Variants in HSD3B1 observed in about 807,000 individuals in gnomAD.
HSD3B1 encodes 3 beta-hydroxysteroid dehydrogenase/Delta 5-->4-isomerase type 1.
HSD3B1 carries 11 observed loss-of-function variants against 10.4 expected under a neutral mutation model. The observed-to-expected ratio is 1.05, with a 90% CI of 0.66 to 1.75. The LOEUF is 1.75. HSD3B1 is among the 40% of genes most tolerant of loss of function. HSD3B1 has a pLI of 0.00. For synonymous variants in HSD3B1, 217 were observed against 185.4 expected (o/e 1.17, Z -1.39); for missense variants, 490 against 454.5 (o/e 1.08, Z -0.71).
At position 119,514,347 on chromosome 1, in the gene HSD3B1, A is replaced by G; in HGVS notation, c.824A>G (p.Glu275Gly). ...YDNLNYTLSK[E>G]FGLRLDSRWS... The stretch of plus-strand genomic sequence containing the variant: ...AACCTTAATTACACCCTGAGCAAAG[A>G]GTTCGGCCTCCGCCTTGATTCCAGA... Residue 275 changes from glutamate (E) to glycine (G), a missense_variant, in exon 4 of 4, where the codon GAG (glutamate) becomes GGG (glycine). Glu to Gly is a moderately conservative substitution (Grantham distance 98). Coordinates refer to ENST00000369413, the MANE Select transcript of HSD3B1 (RefSeq NM_000862.3). The G allele has an allele frequency of 1.9e-6, 3 of 1,614,120 alleles. No individual in the cohort carries two copies. The African/African-American group carries it at 4.0e-5, about 22-fold the overall frequency.
intron 2 of HSD3B1, among the ~76,000 whole-genome samples, chr1:119,508,547 G>A (rs1238311396): frequency 6.6e-6 from 1 of 152,102 alleles, no homozygotes; most frequent in Non-Finnish European, 1.5e-5. Context: ...ACATGCTAAG[G>A]CCATCTGATT....
At chr1:119,509,024 A>G (rs1236419920) in intron 2 of HSD3B1, among the ~76,000 whole-genome samples, 1 of 152,250 alleles carries the variant, frequency 6.6e-6, no homozygotes, top group Non-Finnish European at 1.5e-5. Context: ...TATAATAGAC[A>G]GGCAGGGATC....
chr1:119,512,879 A>G (rs1459626401), intron 3 of HSD3B1, among the ~76,000 whole-genome samples: 5 of 152,240 alleles, frequency 3.3e-5, no homozygotes, highest in African/African-American at 9.6e-5. Flanking sequence ...CAGAAACTCA[A>G]ATTGCACAGA....
chr1:119,511,786 T>G, intron 3 of HSD3B1, 119 bp downstream of exon 3: 2 of 926,654 alleles, frequency 2.2e-6, no homozygotes. Context: ...CAAGTGCCTT[T>G]GCTGATCACT....
rs1654037427 is a variant in HSD3B1 at position 119,514,265 on chromosome 1, A to G, written c.742A>G (p.Ser248Gly). The stretch of plus-strand genomic sequence containing the variant: ...CCTGCAGGACCCCAAGAAGGCCCCA[A>G]GCATCCGAGGACAGTTCTACTATAT... ...RALQDPKKAPSIRGQFYYISD... is the reference protein window; with the variant it reads ...RALQDPKKAPGIRGQFYYISD... Residue 248 changes from serine (S) to glycine (G), a missense_variant, in exon 4 of 4, where the codon AGC becomes GGC. Transcript: ENST00000369413. The G allele has an allele frequency of 1.9e-6, 3 of 1,614,124 alleles. No homozygotes were observed. The highest frequency in any genetic ancestry group is 2.5e-6 in the Non-Finnish European group (3 of 1,180,014).
At chr1:119,511,820 C>T (rs774564053) in intron 3 of HSD3B1, 153 bp downstream of exon 3, 12 of 693,018 alleles carry the variant, frequency 1.7e-5, no homozygotes, top group Non-Finnish European at 3.0e-5. Flanking sequence ...TTCAAGACTG[C>T]TAACTTTAGT....
intron 2 of HSD3B1, among the ~76,000 whole-genome samples, chr1:119,509,114 G>A (rs1042027689): frequency 1.3e-5 from 2 of 152,174 alleles, no homozygotes; most frequent in Admixed American, 1.3e-4. Flanking sequence ...CAACTCATTT[G>A]CTCCTCATAA....
chr1:119,514,833 G>C lies in HSD3B1; in HGVS notation c.*188G>C. 1 of 664,686 alleles carries C rather than the reference G, an allele frequency of 1.5e-6. No individual in the cohort carries two copies. Among genetic ancestry groups the C allele is most frequent in the South Asian group, 1.8e-5 (1 of 54,150 alleles). The allele number at this position is 664,686 out of a possible 1,614,324, so 41.2% of individuals were successfully genotyped here. The stretch of plus-strand genomic sequence containing the variant: ...GCGCAGTCATTGGCCCAACAAGAAG[G>C]TTTCTGTCCTAATCATATACCAGAG... On this transcript the variant is annotated 3_prime_UTR_variant, in exon 4 of 4. Coordinates refer to ENST00000369413, the MANE Select transcript of HSD3B1 (RefSeq NM_000862.3).
In HSD3B1 at chr1:119,513,871, T is replaced by C; in HGVS notation, c.348T>C (p.Ser116=). 1.9e-6 allele frequency: 3 copies of C among 1,613,670 alleles called. No individual in the cohort carries two copies. Among genetic ancestry groups the C allele is most frequent in the Non-Finnish European group, 1.7e-6 (2 of 1,179,852 alleles). ...TGTTAGAGGCCTGTGTCCAAGCTAGTGTGCCAGTCTTCATCTACACCAGTA... is the reference window on the plus strand; with the variant it reads ...TGTTAGAGGCCTGTGTCCAAGCTAGCGTGCCAGTCTTCATCTACACCAGTA... ...QLLLEACVQA[S]VPVFIYTSSI... is the part of the protein sequence containing the mutation. The change falls in exon 4 of 4, where the codon AGT becomes AGC. Residue 116 remains serine, a synonymous_variant. Coordinates refer to ENST00000369413, the MANE Select transcript of HSD3B1 (RefSeq NM_000862.3).
Position 119,511,504 on chromosome 1 carries a change from A to G in HSD3B1, c.147A>G (p.Lys49=), listed in dbSNP as rs779137543. Reference sequence around the variant, plus strand: ...ATGACCTGACCTGTGTTCACACAGAACTCCAGAACAAGACCAAGCTGACAG... The same window carrying G: ...ATGACCTGACCTGTGTTCACACAGAGCTCCAGAACAAGACCAAGCTGACAG... The part of the protein sequence containing the change: ...FGPELREEFS[K]LQNKTKLTVL... The change falls in exon 3 of 4, where the codon AAA becomes AAG. Residue 49 remains lysine, a splice_region_variant and synonymous_variant. Transcript: ENST00000369413. 9.9e-6 allele frequency: 16 copies of G among 1,613,182 alleles called. No individual in the cohort carries two copies. Among genetic ancestry groups the G allele is most frequent in the Non-Finnish European group, 1.1e-5 (13 of 1,179,332 alleles).
chr1:119,510,805 T>C (rs1314255054), intron 2 of HSD3B1, among the ~76,000 whole-genome samples: 4 of 139,658 alleles, frequency 2.9e-5, no homozygotes, highest in Non-Finnish European at 6.0e-5. Flanking sequence ...AGAGGTGTGA[T>C]CTTGGCTCAC....
chr1:119,514,965 C>G lies in HSD3B1; in HGVS notation c.*320C>G, dbSNP rs1212171758. The G allele has an allele frequency of 1.8e-5, 6 of 333,046 alleles. No homozygotes were observed. Among genetic ancestry groups the G allele is most frequent in the Non-Finnish European group, 2.7e-5 (5 of 182,910 alleles). 20.6% of individuals were successfully genotyped at this position (333,046 alleles called of 1,614,324 possible). The stretch of plus-strand genomic sequence containing the variant: ...TTTGACTACTAGAGCTCCATTTCTA[C>G]TCTTAAATGAGAAAGGATTTCCTTT... On this transcript the variant is annotated 3_prime_UTR_variant, in exon 4 of 4. Coordinates refer to ENST00000369413, the MANE Select transcript of HSD3B1 (RefSeq NM_000862.3).
intron 2 of HSD3B1, among the ~76,000 whole-genome samples, chr1:119,509,455 A>G (rs1233256595): frequency 1.3e-5 from 2 of 152,230 alleles, no homozygotes; most frequent in African/African-American, 4.8e-5. Context: ...CTGGGAACTC[A>G]CTGGGGAAGA....
rs1654035542 is a variant in HSD3B1 at position 119,514,238 on chromosome 1, G to A, written c.715G>A (p.Ala239Thr). 1 of 1,614,088 alleles carries A rather than the reference G, an allele frequency of 6.2e-7. No homozygotes were observed. Among genetic ancestry groups the A allele is most frequent in the Non-Finnish European group, 8.5e-7 (1 of 1,180,010 alleles). ...CTGGGCCCACATTCTGGCCTTGAGGGCCCTGCAGGACCCCAAGAAGGCCCC... is the reference window on the plus strand; with the variant it reads ...CTGGGCCCACATTCTGGCCTTGAGGACCCTGCAGGACCCCAAGAAGGCCCC... ...VAWAHILALR[A>T]LQDPKKAPSI... is the part of the protein sequence containing the mutation. The change falls in exon 4 of 4, where the codon GCC becomes ACC. Residue 239 changes from alanine to threonine, a missense_variant. By Grantham distance (58) the Ala-to-Thr change is moderately conservative. Transcript: ENST00000369413.
chr1:119,511,575 G>C lies in HSD3B1; in HGVS notation c.218G>C (p.Cys73Ser), dbSNP rs541042731. 6.2e-7 allele frequency: 1 copy of C among 1,613,666 alleles called. No individual in the cohort carries two copies. Among genetic ancestry groups the C allele is most frequent in the Admixed American group, 1.7e-5 (1 of 60,004 alleles). The change falls in exon 3 of 4, where the codon TGC (cysteine) becomes TCC (serine). Residue 73 changes from cysteine (C) to serine (S), a missense_variant. Coordinates refer to ENST00000369413, the MANE Select transcript of HSD3B1 (RefSeq NM_000862.3). ...GATGAGCCATTCCTGAAGAGAGCCT[G>C]CCAGGACGTCTCGGTCATCATCCAC... ...ILDEPFLKRA[C>S]QDVSVIIHTA...
chr1:119,512,358 C>T (rs587719820), intron 3 of HSD3B1, among the ~76,000 whole-genome samples: 1 of 152,254 alleles, frequency 6.6e-6, no homozygotes, highest in East Asian at 1.9e-4. Flanking sequence ...ATCTTCATCC[C>T]TTAAATGCTT....
intron 3 of HSD3B1, chr1:119,511,914 G>A (rs1653949493): frequency 4.2e-6 from 2 of 479,116 alleles, no homozygotes; most frequent in Admixed American, 3.3e-5. Flanking sequence ...AGGAGAGTTA[G>A]ACTTTAAACT....
At chr1:119,512,973 G>A (rs1221046089) in intron 3 of HSD3B1, among the ~76,000 whole-genome samples, 2 of 152,102 alleles carry the variant, frequency 1.3e-5, no homozygotes, top group Non-Finnish European at 2.9e-5. Flanking sequence ...TCAAGGGAAG[G>A]CACTATGGGT....
chr1:119,514,981 G>C lies in HSD3B1; in HGVS notation c.*336G>C. 3.5e-6 allele frequency: 1 copy of C among 288,836 alleles called. No individual in the cohort carries two copies. Among genetic ancestry groups the C allele is most frequent in the Non-Finnish European group, 6.4e-6 (1 of 155,096 alleles). The allele number at this position is 288,836 out of a possible 1,614,324, so 17.9% of individuals were successfully genotyped here. On this transcript the variant is annotated 3_prime_UTR_variant, in exon 4 of 4. Transcript: ENST00000369413. ...CCATTTCTACTCTTAAATGAGAAAGGATTTCCTTTCTTTTTAATCTTCCAT... is the reference window on the plus strand; with the variant it reads ...CCATTTCTACTCTTAAATGAGAAAGCATTTCCTTTCTTTTTAATCTTCCAT...
Sources: allele counts gnomAD v4.1 joint callset (sites outside exome capture counted in the v4.1 genomes callset), GRCh38; gene constraint gnomAD v4.1.1; transcripts MANE v1.5; gene names NCBI Gene and HGNC (gene_info 2026-07-23, HGNC 2026-07-21).